VEPH1: variants seen among roughly 807,000 people sequenced by gnomAD.
The protein encoded by VEPH1 is ventricular zone-expressed PH domain-containing protein homolog 1.
Under a neutral mutation model 85.2 loss-of-function variants are expected in VEPH1, and 80 were observed. The ratio of observed to expected loss-of-function variants is 0.94; its 90% CI spans 0.78 to 1.13. The LOEUF is 1.13. VEPH1 is among the 50% of genes most tolerant of loss of function. The pLI is 0.00. For synonymous variants in VEPH1, 297 were observed against 348.0 expected (o/e 0.85, Z 1.63); for missense variants, 955 against 980.5 (o/e 0.97, Z 0.35).
At chr3:157,430,107 T>C (rs1172583938) in intron 4 of VEPH1, among the ~76,000 whole-genome samples, 1 of 152,208 alleles carries the variant, frequency 6.6e-6, no homozygotes, top group African/African-American at 2.4e-5. Context: ...TAAGGAACAT[T>C]GGTGTGCCTA....
At chr3:157,459,471 C>T (rs1235543618) in intron 4 of VEPH1, 2 of 408,422 alleles carry the variant, frequency 4.9e-6, no homozygotes, top group Non-Finnish European at 6.9e-6. Context: ...GGCTGAGATA[C>T]TCATGGGCCT....
intron 9 of VEPH1, among the ~76,000 whole-genome samples, chr3:157,357,450 T>C (rs1351070808): frequency 2.0e-5 from 3 of 152,156 alleles, no homozygotes; most frequent in African/African-American, 7.2e-5. Context: ...TAACTAGACA[T>C]GCAGACAAAC....
chr3:157,463,961 A>T (rs1736127255), intron 3 of VEPH1, among the ~76,000 whole-genome samples: 1 of 152,304 alleles, frequency 6.6e-6, no homozygotes, highest in African/African-American at 2.4e-5. Context: ...GCTCATTGGA[A>T]GTTTCCATTC....
At chr3:157,364,761 A>G (rs1210110848) in intron 7 of VEPH1, among the ~76,000 whole-genome samples, 1 of 152,230 alleles carries the variant, frequency 6.6e-6, no homozygotes, top group Non-Finnish European at 1.5e-5. Flanking sequence ...TAAGAGTTCA[A>G]AGAATAAAAA....
intron 2 of VEPH1, among the ~76,000 whole-genome samples, chr3:157,483,669 G>T (rs1738347515): frequency 6.6e-6 from 1 of 152,082 alleles, no homozygotes; most frequent in Non-Finnish European, 1.5e-5. Context: ...TGGATTGGAA[G>T]ATAGAGCTGA....
chr3:157,354,585 C>T (rs1376203971), intron 9 of VEPH1, among the ~76,000 whole-genome samples: 1 of 152,152 alleles, frequency 6.6e-6, no homozygotes, highest in Non-Finnish European at 1.5e-5. Context: ...GAGAGACCTT[C>T]CCCTGTTACT....
intron 4 of VEPH1, among the ~76,000 whole-genome samples, chr3:157,459,113 G>A (rs1735615008): frequency 6.6e-6 from 1 of 152,204 alleles, no homozygotes; most frequent in Non-Finnish European, 1.5e-5. Flanking sequence ...GAATTACTGG[G>A]CTAAGGACTT....
At chr3:157,321,896 G>A (rs1721393413) in intron 9 of VEPH1, among the ~76,000 whole-genome samples, 1 of 151,946 alleles carries the variant, frequency 6.6e-6, no homozygotes, top group Non-Finnish European at 1.5e-5. Context: ...ATTTTTTATT[G>A]TGGTAAATTA....
chr3:157,372,260 T>C (rs1727579219), intron 7 of VEPH1, among the ~76,000 whole-genome samples: 1 of 152,218 alleles, frequency 6.6e-6, no homozygotes, highest in Non-Finnish European at 1.5e-5. Flanking sequence ...AACCCAATTT[T>C]AATTGATAGA....
intron 1 of VEPH1, among the ~76,000 whole-genome samples, chr3:157,499,070 C>G (rs568026953): frequency 6.6e-6 from 1 of 152,262 alleles, no homozygotes; most frequent in African/African-American, 2.4e-5. Context: ...GTATCATGCC[C>G]AAGGTTACAC....
At chr3:157,383,410 A>AGT (rs994228444) in intron 6 of VEPH1, among the ~76,000 whole-genome samples, 12 of 152,234 alleles carry the variant, frequency 7.9e-5, no homozygotes, top group Non-Finnish European at 1.3e-4. Flanking sequence ...TTCTACACCC[A>AGT]GTGTGTGTGT....
intron 11 of VEPH1, among the ~76,000 whole-genome samples, chr3:157,312,414 T>C (rs552907580): frequency 3.9e-5 from 6 of 152,338 alleles, no homozygotes; most frequent in African/African-American, 1.4e-4. Flanking sequence ...AAGTGCTAGC[T>C]TGTGACTCCC....
intron 6 of VEPH1, among the ~76,000 whole-genome samples, chr3:157,406,581 C>G (rs1463937408): frequency 7.0e-6 from 1 of 141,870 alleles, no homozygotes. Flanking sequence ...TGGTGCTTGG[C>G]CAGCATATTC....
intron 9 of VEPH1, among the ~76,000 whole-genome samples, chr3:157,357,064 T>C (rs1452199442): frequency 1.3e-5 from 2 of 152,210 alleles, no homozygotes; most frequent in Non-Finnish European, 2.9e-5. Context: ...TATTTAAAAA[T>C]ATGAAATATG....
intron 5 of VEPH1, among the ~76,000 whole-genome samples, chr3:157,414,748 A>G (rs1731771742): frequency 6.6e-6 from 1 of 152,192 alleles, no homozygotes; most frequent in South Asian, 2.1e-4. Context: ...CTCTATGTTA[A>G]TACATCACAT....
chr3:157,314,180 A>T (rs73156728), intron 10 of VEPH1, among the ~76,000 whole-genome samples: 70,849 of 151,124 alleles, frequency 0.47, 18,340 homozygotes, highest in Admixed American at 0.61. Context: ...AAAATAAAAA[A>T]AAATTAGCCG....
In VEPH1 at chr3:157,260,980, C is replaced by A; in HGVS notation, c.*154G>T. The A allele has an allele frequency of 1.0e-6, 1 of 1,003,636 alleles. No homozygotes were observed. The highest frequency in any genetic ancestry group is 2.5e-5 in the East Asian group (1 of 40,798). The allele number at this position is 1,003,636 out of a possible 1,614,324, so 62.2% of individuals were successfully genotyped here. ...TAGAGTATGACATTTACTAAGAATC[C>A]TGCCATTTTAGGCCCTTCTTCTTAA... is the stretch of plus-strand genomic sequence containing the variant. On this transcript the variant is annotated 3_prime_UTR_variant, in exon 14 of 14. Transcript: ENST00000362010.
chr3:157,428,229 T>A, intron 5 of VEPH1, 93 bp downstream of exon 5: 1 of 1,366,246 alleles, frequency 7.3e-7, no homozygotes, highest in Non-Finnish European at 9.9e-7. Context: ...TTTGTAAATG[T>A]ATGAGACAGG....
intron 6 of VEPH1, 28 bp downstream of exon 6, chr3:157,413,853 G>A (rs369570393): frequency 1.1e-5 from 17 of 1,608,278 alleles, no homozygotes; most frequent in Non-Finnish European, 1.4e-5. Flanking sequence ...GCAATTCAGG[G>A]GAATGGAGAG....
Sources: allele counts gnomAD v4.1 joint callset (sites outside exome capture counted in the v4.1 genomes callset), GRCh38; gene constraint gnomAD v4.1.1; transcripts MANE v1.5; gene names NCBI Gene and HGNC (gene_info 2026-07-23, HGNC 2026-07-21).